Variants in MYCBP2 observed in about 807,000 individuals in gnomAD.
The protein encoded by MYCBP2 is MYC binding protein 2.
In MYCBP2, 120 loss-of-function variants were observed where a neutral mutation model predicts 525.3. The ratio of observed to expected loss-of-function variants is 0.23; its 90% CI spans 0.20 to 0.27. MYCBP2 has a LOEUF of 0.27. Among genes scored for constraint, MYCBP2 ranks in the 10% least tolerant of loss-of-function variants. The pLI is 1.00. For synonymous variants in MYCBP2, 1,894 were observed against 1,955.8 expected, an observed-to-expected ratio of 0.97 and a Z score of 0.83; for missense variants, 4,149 against 5,657.1, an observed-to-expected ratio of 0.73 and a Z score of 8.55.
intron 15 of MYCBP2, among the ~76,000 whole-genome samples, chr13:77,247,925 A>G (rs548901896): frequency 6.6e-6 from 1 of 152,012 alleles, no homozygotes; most frequent in African/African-American, 2.4e-5. Flanking sequence ...GTAAGACCTA[A>G]AACTATTACA....
At chr13:77,139,429 G>A in intron 51 of MYCBP2, 93 bp from the exon 52 acceptor site, 2 of 1,344,024 alleles carry the variant, frequency 1.5e-6, no homozygotes, top group Non-Finnish European at 2.0e-6. Context: ...AAAAATGATG[G>A]TGCATGTGCA....
chr13:77,097,643 A>G lies in MYCBP2; in HGVS notation c.9511T>C (p.Ser3171Pro). 6.2e-7 allele frequency: 1 copy of G among 1,613,782 alleles called. No individual in the cohort carries two copies. The highest frequency in any genetic ancestry group is 2.2e-5 in the East Asian group (1 of 44,838). ...GAAGCAGCTTTGATAGTAGCCAAAGAGATGTCTTCCCAAAAAGCCACTAAA... is the reference window on the plus strand; with the variant it reads ...GAAGCAGCTTTGATAGTAGCCAAAGGGATGTCTTCCCAAAAAGCCACTAAA... ...QHLVAFWEDISLATIKAASQN... is the reference protein window; with the variant it reads ...QHLVAFWEDIPLATIKAASQN... Residue 3171 changes from serine to proline, a missense_variant, in exon 56 of 83, where the codon TCT (serine) becomes CCT (proline). Ser to Pro is a moderately conservative substitution (Grantham distance 74). Transcript: ENST00000544440.
chr13:77,213,691 C>T (rs10467632), intron 21 of MYCBP2, among the ~76,000 whole-genome samples: 10,357 of 152,202 alleles, frequency 0.068, 562 homozygotes, highest in African/African-American at 0.14. Flanking sequence ...ATAAATAAGC[C>T]ACATTTAAAT....
chr13:77,239,013 G>A (rs941153617), intron 17 of MYCBP2, among the ~76,000 whole-genome samples: 7 of 152,210 alleles, frequency 4.6e-5, no homozygotes, highest in East Asian at 1.9e-4. Flanking sequence ...CCAGCTACTC[G>A]GGAGGCCGAG....
intron 18 of MYCBP2, among the ~76,000 whole-genome samples, chr13:77,227,809 G>C (rs2066512140): frequency 6.6e-6 from 1 of 152,092 alleles, no homozygotes; most frequent in African/African-American, 2.4e-5. Flanking sequence ...TAGAGACATA[G>C]CATCAAGGAA....
chr13:77,098,810 C>G lies in MYCBP2; in HGVS notation c.8344G>C (p.Asp2782His). The G allele has an allele frequency of 6.2e-7, 1 of 1,613,650 alleles. No homozygotes were observed. The highest frequency in any genetic ancestry group is 8.5e-7 in the Non-Finnish European group (1 of 1,179,754). Reference protein sequence around the residue: ...LKSDAAKLRSDSHSRSLSPNH... With the variant: ...LKSDAAKLRSHSHSRSLSPNH... ...GGGGATAATGACCTACTGTGGGAAT[C>G]TGACCTCAACTTTGCAGCATCAGAT... The change falls in exon 56 of 83, where the codon GAT becomes CAT. Residue 2782 changes from aspartate to histidine, a missense_variant. By Grantham distance (81) the Asp-to-His change is moderately conservative. This residue lies in a region of MYCBP2 where 653 missense variants were observed against 744.7 expected (regional missense o/e 0.88). Transcript: ENST00000544440.
At position 77,125,432 on chromosome 13, in the gene MYCBP2, G is replaced by T. The variant is rs757516113; in HGVS notation, c.7921C>A (p.Gln2641Lys). ...NSEGTWVQLD[Q>K]NSMVEFCESD... ...TCACAGAACTCTACCATGCTGTTCT[G>T]ATCCAGTTGCACCCATGTCCCTTCA... is the stretch of plus-strand genomic sequence containing the variant. Residue 2641 changes from glutamine (Q) to lysine (K), a missense_variant, in exon 54 of 83, where the codon CAG becomes AAG. By Grantham distance (53) the Gln-to-Lys change is moderately conservative. This residue lies in a region of MYCBP2 where 653 missense variants were observed against 744.7 expected (regional missense o/e 0.88). Transcript: ENST00000544440. 1.2e-6 allele frequency: 2 copies of T among 1,613,838 alleles called. No homozygotes were observed. The highest frequency in any genetic ancestry group is 2.2e-5 in the South Asian group (2 of 91,064).
intron 1 of MYCBP2, among the ~76,000 whole-genome samples, chr13:77,309,721 C>T (rs1364737426): frequency 6.6e-6 from 1 of 152,124 alleles, no homozygotes; most frequent in Middle Eastern, 3.2e-3. Flanking sequence ...TAAAGGTAGC[C>T]CTGCTTTGCA....
intron 1 of MYCBP2, among the ~76,000 whole-genome samples, chr13:77,301,817 T>C (rs2154370063): frequency 6.6e-6 from 1 of 152,238 alleles, no homozygotes; most frequent in East Asian, 1.9e-4. Flanking sequence ...ACAATATGTG[T>C]AAAATAATGC....
chr13:77,121,479 AT>A lies in MYCBP2; in HGVS notation c.8033del (p.Asp2678ValfsTer71). 6.3e-7 allele frequency: 1 copy of A among 1,580,702 alleles called. No individual in the cohort carries two copies. The highest frequency in any genetic ancestry group is 1.2e-5 in the South Asian group (1 of 85,838). Reference protein sequence around the residue: ...LRHEDEQALLDQNSQTPPPSP... With the variant: ...LRHEDEQALLXQNSQTPPPSP... ...TTGGAGGAGGAGTTTGAGAATTCTGATCCAGAAGAGCTTGTTCTACAATAAA... is the reference window on the plus strand; with the variant it reads ...TTGGAGGAGGAGTTTGAGAATTCTGACCAGAAGAGCTTGTTCTACAATAAA... On this transcript the variant is annotated frameshift_variant, in exon 55 of 83. Coordinates refer to ENST00000544440, the MANE Select transcript of MYCBP2 (RefSeq NM_015057.5). LOFTEE classifies it high-confidence loss of function.
intron 45 of MYCBP2, among the ~76,000 whole-genome samples, chr13:77,157,105 G>A (rs76113738): frequency 6.6e-6 from 1 of 150,534 alleles, no homozygotes; most frequent in Non-Finnish European, 1.5e-5. Context: ...ATTTTTTTTT[G>A]AGATAGGGTC....
chr13:77,129,585 C>T (rs1475510701), intron 52 of MYCBP2: 1 of 163,580 alleles, frequency 6.1e-6, no homozygotes, highest in Non-Finnish European at 1.3e-5. Flanking sequence ...TGTTTTATGA[C>T]AGAAACCAGT....
At chr13:77,204,158 G>A (rs1198594998) in intron 26 of MYCBP2, among the ~76,000 whole-genome samples, 10 of 151,612 alleles carry the variant, frequency 6.6e-5, no homozygotes, top group African/African-American at 2.2e-4. Context: ...CTGACAAAGG[G>A]CTAATATCCA....
At chr13:77,199,930 C>T (rs904325348) in intron 26 of MYCBP2, among the ~76,000 whole-genome samples, 58 of 152,158 alleles carry the variant, frequency 3.8e-4, no homozygotes, top group Non-Finnish European at 6.9e-4. Context: ...GATAAAACCA[C>T]AAAGATGGGG....
At chr13:77,205,117 G>A (rs776688599) in intron 26 of MYCBP2, 139 bp downstream of exon 26, 7 of 650,260 alleles carry the variant, frequency 1.1e-5, no homozygotes, top group East Asian at 7.4e-5. Flanking sequence ...TTTCTCTATC[G>A]CTTTTTAAAA....
intron 6 of MYCBP2, 50 bp from the exon 7 acceptor site, chr13:77,270,113 C>A (rs753694479): frequency 1.6e-5 from 25 of 1,522,826 alleles, no homozygotes; most frequent in Non-Finnish European, 2.2e-5. Flanking sequence ...AATTAATAAT[C>A]AATGAAAAAT....
At chr13:77,320,021 C>T (rs1310613222) in intron 1 of MYCBP2, among the ~76,000 whole-genome samples, 1 of 152,204 alleles carries the variant, frequency 6.6e-6, no homozygotes, top group East Asian at 1.9e-4. Flanking sequence ...AGGAGTTGAT[C>T]TGCAATGCAG....
intron 79 of MYCBP2, among the ~76,000 whole-genome samples, chr13:77,056,542 T>C (rs1387299896): frequency 6.6e-6 from 1 of 152,204 alleles, no homozygotes; most frequent in African/African-American, 2.4e-5. Context: ...TGCCAAGAAC[T>C]TTCTCCTTGT....
intron 54 of MYCBP2, among the ~76,000 whole-genome samples, chr13:77,124,703 CA>C (rs2051349541): frequency 6.6e-6 from 1 of 152,132 alleles, no homozygotes; most frequent in Non-Finnish European, 1.5e-5. Flanking sequence ...TTTAGGAACA[CA>C]AGAAATTCTT....
Sources: allele counts gnomAD v4.1 joint callset (sites outside exome capture counted in the v4.1 genomes callset), GRCh38; gene constraint gnomAD v4.1.1; regional missense constraint gnomAD v4.1.1; transcripts MANE v1.5; gene names NCBI Gene and HGNC (gene_info 2026-07-23, HGNC 2026-07-21).